MBD5: variants seen among roughly 807,000 people sequenced by gnomAD.
MBD5 encodes the protein methyl-CpG-binding domain protein 5.
A neutral mutation model predicts 117.3 loss-of-function variants in MBD5; 13 were observed. The ratio of observed to expected loss-of-function variants is 0.11; its 90% CI spans 0.07 to 0.18. The LOEUF (loss-of-function observed/expected upper bound fraction) is 0.18. MBD5 is among the 10% of genes least tolerant of loss of function. The pLI is 1.00. For synonymous variants in MBD5, 727 were observed against 766.4 expected (o/e 0.95, Z 0.85); for missense variants, 1,879 against 2,093.8 (o/e 0.90, Z 2.00).
At chr2:148,500,189 C>T (rs1166399097) in intron 11 of MBD5, among the ~76,000 whole-genome samples, 1 of 151,882 alleles carries the variant, frequency 6.6e-6, no homozygotes, top group African/African-American at 2.4e-5. Context: ...TAAATTTGGG[C>T]AAGTTGTCAT....
At chr2:148,258,771 A>G (rs181127738) in intron 3 of MBD5, among the ~76,000 whole-genome samples, 4 of 152,268 alleles carry the variant, frequency 2.6e-5, no homozygotes, top group East Asian at 3.9e-4. Flanking sequence ...AATCAAATCT[A>G]TCCATATCCA....
At chr2:148,021,050 A>G, upstream of MBD5, 1 of 152,652 alleles carries the variant, frequency 6.6e-6, no homozygotes, top group Non-Finnish European at 1.5e-5. Context: ...ATGCGCAGTG[A>G]GTGCCTCCCG....
intron 1 of MBD5, among the ~76,000 whole-genome samples, chr2:148,103,339 T>C (rs1001848405): frequency 6.6e-6 from 1 of 152,152 alleles, no homozygotes; most frequent in Admixed American, 6.6e-5. Context: ...ATTGAAAACA[T>C]TGCAGCTTTG....
At chr2:148,368,009 A>G (rs1279386195) in intron 4 of MBD5, among the ~76,000 whole-genome samples, 1 of 152,218 alleles carries the variant, frequency 6.6e-6, no homozygotes, top group Non-Finnish European at 1.5e-5. Flanking sequence ...TCATTCTACT[A>G]TAAAGACACA....
At chr2:148,072,534 G>T (rs1695387697) in intron 1 of MBD5, among the ~76,000 whole-genome samples, 1 of 151,964 alleles carries the variant, frequency 6.6e-6, no homozygotes, top group Non-Finnish European at 1.5e-5. Context: ...TTTTTTCTGG[G>T]AATAGAACAT....
intron 3 of MBD5, among the ~76,000 whole-genome samples, chr2:148,317,006 G>C (rs951485585): frequency 6.6e-6 from 1 of 152,090 alleles, no homozygotes; most frequent in African/African-American, 2.4e-5. Flanking sequence ...TGAAAGCATA[G>C]ACAATTTTCT....
At chr2:148,508,788 A>G (rs1315289615) in intron 12 of MBD5, among the ~76,000 whole-genome samples, 2 of 152,198 alleles carry the variant, frequency 1.3e-5, no homozygotes, top group Non-Finnish European at 2.9e-5. Context: ...TTTTTGAAAC[A>G]TAGGACCATC....
intron 4 of MBD5, among the ~76,000 whole-genome samples, chr2:148,367,880 G>A (rs1016334309): frequency 2.0e-5 from 3 of 152,300 alleles, no homozygotes; most frequent in Non-Finnish European, 4.4e-5. Context: ...CCATTGGTGG[G>A]AGTGTAAATT....
At chr2:148,258,641 A>ACCC (rs1254017294) in intron 3 of MBD5, among the ~76,000 whole-genome samples, 1 of 152,194 alleles carries the variant, frequency 6.6e-6, no homozygotes, top group Non-Finnish European at 1.5e-5. Context: ...GTGGCGCAGC[A>ACCC]GTGTATTTCT....
At chr2:148,025,138 C>T (rs1479029339) in intron 1 of MBD5, 1 of 152,154 alleles carries the variant, frequency 6.6e-6, no homozygotes, top group Non-Finnish European at 1.5e-5. Context: ...CATTAAACAT[C>T]TTTTGATCAT....
At chr2:148,308,935 G>C (rs200107777) in intron 3 of MBD5, among the ~76,000 whole-genome samples, 5 of 152,152 alleles carry the variant, frequency 3.3e-5, no homozygotes, top group Non-Finnish European at 7.4e-5. Context: ...GCTTGTTTTT[G>C]TCAGCTTTGT....
intron 3 of MBD5, among the ~76,000 whole-genome samples, chr2:148,340,896 T>C (rs1347371203): frequency 6.7e-6 from 1 of 149,824 alleles, no homozygotes; most frequent in Non-Finnish European, 1.5e-5. Flanking sequence ...TTATTGAAAC[T>C]GATACTTTAA....
intron 1 of MBD5, among the ~76,000 whole-genome samples, chr2:148,042,024 CTG>C (rs2105686889): frequency 6.6e-6 from 1 of 152,290 alleles, no homozygotes; most frequent in East Asian, 1.9e-4. Context: ...CTAAAGGGGA[CTG>C]TCTTCTACTT....
intron 4 of MBD5, among the ~76,000 whole-genome samples, chr2:148,420,213 A>C (rs1368692066): frequency 6.6e-6 from 1 of 151,936 alleles, no homozygotes; most frequent in Non-Finnish European, 1.5e-5. Flanking sequence ...CAGACTTTTC[A>C]TCTTGCTTGT....
At chr2:148,075,311 T>G (rs1695480043) in intron 1 of MBD5, among the ~76,000 whole-genome samples, 1 of 152,222 alleles carries the variant, frequency 6.6e-6, no homozygotes, top group South Asian at 2.1e-4. Context: ...TATTTACTGT[T>G]TGAAACCAGA....
intron 1 of MBD5, among the ~76,000 whole-genome samples, chr2:148,138,974 T>C (rs1327491390): frequency 6.6e-6 from 1 of 152,220 alleles, no homozygotes; most frequent in East Asian, 1.9e-4. Flanking sequence ...TCTACTGTTG[T>C]GTTTTGTTTC....
At chr2:148,463,410 CT>C (rs1707158824) in intron 6 of MBD5, among the ~76,000 whole-genome samples, 1 of 151,948 alleles carries the variant, frequency 6.6e-6, no homozygotes, top group Non-Finnish European at 1.5e-5. Flanking sequence ...TTTGTTTTGT[CT>C]TTTTTAAGTG....
chr2:148,381,892 A>C (rs1242951695), intron 4 of MBD5, among the ~76,000 whole-genome samples: 1 of 152,164 alleles, frequency 6.6e-6, no homozygotes, highest in Non-Finnish European at 1.5e-5. Flanking sequence ...AAAATCCTTT[A>C]CAGACAAGCA....
chr2:148,105,750 C>T (rs1696355621), intron 1 of MBD5, among the ~76,000 whole-genome samples: 2 of 151,302 alleles, frequency 1.3e-5, no homozygotes, highest in African/African-American at 2.4e-5. Context: ...CTTATTAAAC[C>T]TATTCTATTC....
Sources: gnomAD v4.1 joint callset for allele counts (sites outside exome capture counted in the v4.1 genomes callset) on GRCh38, gnomAD v4.1.1 for gene constraint, MANE v1.5 for transcripts, NCBI Gene and HGNC (gene_info 2026-07-23, HGNC 2026-07-21) for gene names.